CTNNA3: variants seen among roughly 807,000 people sequenced by gnomAD.
CTNNA3 encodes catenin alpha 3.
CTNNA3 carries 76 observed loss-of-function variants against 95.7 expected under a neutral mutation model. That is an observed-to-expected ratio of 0.79 (90% CI 0.66 to 0.96). The LOEUF is 0.96. CTNNA3 is among the 40% of genes least tolerant of loss of function. The probability of loss-of-function intolerance (pLI) is 0.00; values close to 1 mark genes in which losing one functional copy is unlikely to be tolerated. For synonymous variants in CTNNA3, 431 were observed against 374.4 expected, an observed-to-expected ratio of 1.15 and a Z score of -1.74; for missense variants, 1,191 against 1,089.8, an observed-to-expected ratio of 1.09 and a Z score of -1.31.
chr10:66,852,059 G>A (rs1422872620), intron 7 of CTNNA3, among the ~76,000 whole-genome samples: 3 of 152,054 alleles, frequency 2.0e-5, no homozygotes. Flanking sequence ...CAGGAATACA[G>A]TGTCACGATA....
chr10:67,657,187 G>T (rs1352347660), intron 1 of CTNNA3, among the ~76,000 whole-genome samples: 1 of 152,178 alleles, frequency 6.6e-6, no homozygotes, highest in African/African-American at 2.4e-5. Context: ...CAACTGGAAG[G>T]ATAGAGTTGC....
chr10:66,492,450 ATT>A (rs60327021), intron 11 of CTNNA3, among the ~76,000 whole-genome samples: 25,007 of 144,056 alleles, frequency 0.17, 4,078 homozygotes, highest in East Asian at 0.84. Flanking sequence ...GGCCCAGCTA[ATT>A]TTTTTTTTTT....
At chr10:67,325,266 T>C (rs1841494394) in intron 5 of CTNNA3, among the ~76,000 whole-genome samples, 1 of 152,174 alleles carries the variant, frequency 6.6e-6, no homozygotes, top group Non-Finnish European at 1.5e-5. Flanking sequence ...ATTTCTTATC[T>C]TCTGCTAGCT....
chr10:66,989,008 A>AT (rs2132924104), intron 7 of CTNNA3, among the ~76,000 whole-genome samples: 1 of 152,134 alleles, frequency 6.6e-6, no homozygotes, highest in Admixed American at 6.6e-5. Flanking sequence ...TTAAAAAAAA[A>AT]AAATCCCTTT....
chr10:66,997,448 A>T (rs1851418048), intron 7 of CTNNA3, among the ~76,000 whole-genome samples: 1 of 152,238 alleles, frequency 6.6e-6, no homozygotes, highest in Admixed American at 6.5e-5. Flanking sequence ...CTAACAACTG[A>T]TAAAACAATA....
At chr10:66,935,607 G>T (rs1288997847) in intron 7 of CTNNA3, among the ~76,000 whole-genome samples, 1 of 151,730 alleles carries the variant, frequency 6.6e-6, no homozygotes, top group Admixed American at 6.6e-5. Context: ...TTCCACCAAG[G>T]TACGTATGTT....
intron 13 of CTNNA3, among the ~76,000 whole-genome samples, chr10:66,231,223 C>T (rs1182655067): frequency 6.6e-6 from 1 of 152,102 alleles, no homozygotes; most frequent in Non-Finnish European, 1.5e-5. Context: ...GGATCTCTTG[C>T]TTTTCTTTTT....
At chr10:67,265,046 C>T (rs1866766546) in intron 5 of CTNNA3, among the ~76,000 whole-genome samples, 1 of 152,166 alleles carries the variant, frequency 6.6e-6, no homozygotes, top group Admixed American at 6.5e-5. Context: ...TGCAACCTAG[C>T]TTTGAAAGCT....
chr10:66,350,797 C>T (rs888797525), intron 12 of CTNNA3, among the ~76,000 whole-genome samples: 2 of 151,948 alleles, frequency 1.3e-5, no homozygotes, highest in Admixed American at 6.6e-5. Context: ...CTGAATTTTA[C>T]ACTATTTACA....
At chr10:66,117,630 C>T (rs1368277527) in intron 13 of CTNNA3, among the ~76,000 whole-genome samples, 2 of 152,034 alleles carry the variant, frequency 1.3e-5, no homozygotes, top group East Asian at 3.9e-4. Context: ...CAAATGTAGG[C>T]TTTTCTATAT....
chr10:66,434,331 T>G, intron 11 of CTNNA3, among the ~76,000 whole-genome samples: 1 of 152,162 alleles, frequency 6.6e-6, no homozygotes, highest in Non-Finnish European at 1.5e-5. Context: ...GAGCAGTGGT[T>G]TGTAGTTCCC....
intron 11 of CTNNA3, among the ~76,000 whole-genome samples, chr10:66,391,663 G>T (rs1018111170): frequency 9.9e-5 from 15 of 151,962 alleles, no homozygotes; most frequent in African/African-American, 3.6e-4. Flanking sequence ...AATCCTAAAG[G>T]CTATAGCTTC....
chr10:67,214,251 A>G (rs1048794909), intron 6 of CTNNA3, among the ~76,000 whole-genome samples: 1 of 151,286 alleles, frequency 6.6e-6, no homozygotes, highest in East Asian at 1.9e-4. Flanking sequence ...TTATTTTCTC[A>G]TTGCATTTCT....
chr10:66,492,153 A>T (rs1839945237), intron 11 of CTNNA3, among the ~76,000 whole-genome samples: 1 of 152,124 alleles, frequency 6.6e-6, no homozygotes, highest in South Asian at 2.1e-4. Flanking sequence ...GACTATACCT[A>T]ACACATTGTA....
intron 11 of CTNNA3, among the ~76,000 whole-genome samples, chr10:66,453,302 C>T (rs565319523): frequency 7.9e-5 from 12 of 152,154 alleles, no homozygotes; most frequent in East Asian, 5.8e-4. Context: ...GTTTAGCTAG[C>T]TCTATGTTTA....
In CTNNA3 at chr10:66,685,150, T is replaced by C. The variant is rs570476669; in HGVS notation, c.1282-63366A>G. Among the ~76,000 whole-genome samples, 62 of 142,566 alleles carry C rather than the reference T, an allele frequency of 4.3e-4. 1 individual carries two copies. Among genetic ancestry groups the C allele is most frequent in the African/African-American group, 1.6e-3 (60 of 37,964 alleles). The allele number at this position is 142,566 out of a possible 152,430, so 93.5% of individuals were successfully genotyped here. A position where few individuals can be genotyped will look rare whatever the true frequency, so the allele number is the denominator to read the frequency against. On this transcript the variant is annotated intron_variant, in intron 9 of 17. Transcript: ENST00000433211. ...ATAAGGCATTCTTAGAAGAACTATATATATATACACGTATATATATATATA... is the reference window on the plus strand; with the variant it reads ...ATAAGGCATTCTTAGAAGAACTATACATATATACACGTATATATATATATA...
At chr10:66,618,951 C>G (rs994173101) in intron 10 of CTNNA3, among the ~76,000 whole-genome samples, 5 of 152,126 alleles carry the variant, frequency 3.3e-5, no homozygotes, top group South Asian at 2.1e-4. Context: ...CCAACAGACA[C>G]ATGAAAAAAT....
chr10:67,185,704 C>G (rs528184146), intron 6 of CTNNA3, among the ~76,000 whole-genome samples: 3 of 152,036 alleles, frequency 2.0e-5, no homozygotes, highest in Non-Finnish European at 4.4e-5. Flanking sequence ...ACAAACTTTC[C>G]ACTACAATGT....
intron 7 of CTNNA3, among the ~76,000 whole-genome samples, chr10:67,165,511 T>G (rs1419695078): frequency 6.6e-6 from 1 of 152,190 alleles, no homozygotes; most frequent in Non-Finnish European, 1.5e-5. Context: ...TTTATGTCAA[T>G]ATGTCAATGT....
Sources: gnomAD v4.1 joint callset for allele counts (sites outside exome capture counted in the v4.1 genomes callset) on GRCh38, gnomAD v4.1.1 for gene constraint, MANE v1.5 for transcripts, NCBI Gene and HGNC (gene_info 2026-07-23, HGNC 2026-07-21) for gene names.